NTM: variants seen among roughly 807,000 people sequenced by gnomAD.
NTM encodes IgLON family member 2.
Under a neutral mutation model 42.1 loss-of-function variants are expected in NTM, and 13 were observed. The observed-to-expected ratio is 0.31, with a 90% CI of 0.20 to 0.49. The LOEUF is 0.49. Ranked by LOEUF, NTM falls within the 20% of genes least tolerant of loss-of-function variation. The pLI is 0.99. For missense variants in NTM, 373 were observed against 452.8 expected (o/e 0.82, Z 1.60); for synonymous variants, 187 against 179.2 (o/e 1.04, Z -0.35).
intron 1 of NTM, among the ~76,000 whole-genome samples, chr11:131,375,124 A>T (rs1346183244): frequency 6.6e-6 from 1 of 152,152 alleles, no homozygotes; most frequent in Non-Finnish European, 1.5e-5. Flanking sequence ...ACATAGCTCC[A>T]TGGGGGACAT....
chr11:131,419,480 G>T (rs914836528), intron 1 of NTM, among the ~76,000 whole-genome samples: 8 of 152,232 alleles, frequency 5.3e-5, no homozygotes, highest in Non-Finnish European at 8.8e-5. Context: ...GGATAAGAAG[G>T]GACCAGGGAT....
chr11:132,026,141 G>A (rs1040245975), intron 2 of NTM, among the ~76,000 whole-genome samples: 1 of 152,080 alleles, frequency 6.6e-6, no homozygotes, highest in African/African-American at 2.4e-5. Flanking sequence ...TGATGAATGC[G>A]GTGCATTTTG....
intron 1 of NTM, among the ~76,000 whole-genome samples, chr11:131,732,504 CTT>C (rs1243771662): frequency 6.6e-6 from 1 of 152,166 alleles, no homozygotes; most frequent in African/African-American, 2.4e-5. Flanking sequence ...GGACAACAAA[CTT>C]TCTCACTGTG....
At chr11:131,752,539 G>A (rs1199620952) in intron 1 of NTM, among the ~76,000 whole-genome samples, 1 of 152,140 alleles carries the variant, frequency 6.6e-6, no homozygotes, top group Middle Eastern at 3.2e-3. Flanking sequence ...CCATTACTGG[G>A]TATATACCCA....
intron 1 of NTM, among the ~76,000 whole-genome samples, chr11:131,612,986 A>G (rs568014197): frequency 3.3e-5 from 5 of 152,224 alleles, no homozygotes; most frequent in Non-Finnish European, 5.9e-5. Flanking sequence ...AGCTGCTACC[A>G]TTTGAGGCAG....
chr11:131,377,004 G>A lies in NTM; in HGVS notation c.82+6116G>A, dbSNP rs189934591. 3.8e-3 allele frequency among the ~76,000 whole-genome samples: 585 copies of A among 152,274 alleles called. 4 individuals carry two copies. Among genetic ancestry groups the A allele is most frequent in the African/African-American group, 0.013 (560 of 41,562 alleles). ...GGGTCTCTCAGATTTGGTTTGGCTT[G>A]GCATCCTTTGTCATAAACGGAAAGC... On this transcript the variant is annotated intron_variant, in intron 1 of 8. Transcript: ENST00000683400.
chr11:131,473,635 A>G (rs575116885), intron 1 of NTM, among the ~76,000 whole-genome samples: 1 of 152,186 alleles, frequency 6.6e-6, no homozygotes, highest in East Asian at 1.9e-4. Context: ...TAACTGAGCT[A>G]GGAGAGGGAA....
At chr11:131,607,856 C>T (rs142880427) in intron 1 of NTM, among the ~76,000 whole-genome samples, 19 of 151,188 alleles carry the variant, frequency 1.3e-4, no homozygotes, top group African/African-American at 3.4e-4. Context: ...CTTGTACGCA[C>T]GGTTTGATCG....
chr11:132,242,119 A>C (rs1051501105), intron 4 of NTM, among the ~76,000 whole-genome samples: 11 of 152,206 alleles, frequency 7.2e-5, no homozygotes, highest in African/African-American at 1.7e-4. Flanking sequence ...AGCTAATCGG[A>C]AGAATTCAAG....
chr11:132,065,672 A>C (rs1196341218), intron 2 of NTM, among the ~76,000 whole-genome samples: 1 of 152,186 alleles, frequency 6.6e-6, no homozygotes, highest in Non-Finnish European at 1.5e-5. Flanking sequence ...GTAGTGGAAA[A>C]ATGAAAGATG....
intron 1 of NTM, among the ~76,000 whole-genome samples, chr11:131,460,895 G>A (rs1189436509): frequency 6.6e-6 from 1 of 152,190 alleles, no homozygotes; most frequent in Non-Finnish European, 1.5e-5. Context: ...TCAGCCCTTG[G>A]CTGAGCAACA....
At chr11:132,038,614 G>A (rs543229137) in intron 2 of NTM, among the ~76,000 whole-genome samples, 8 of 152,274 alleles carry the variant, frequency 5.3e-5, no homozygotes, top group African/African-American at 1.2e-4. Flanking sequence ...CATTGGATCC[G>A]TGTTCAGTCA....
intron 1 of NTM, among the ~76,000 whole-genome samples, chr11:131,703,439 G>A (rs1479040190): frequency 2.6e-5 from 4 of 152,124 alleles, no homozygotes; most frequent in Non-Finnish European, 4.4e-5. Context: ...GTCTGTGTAC[G>A]CCCAAAGCAA....
At chr11:132,084,222 C>T (rs1461823663) in intron 2 of NTM, among the ~76,000 whole-genome samples, 1 of 152,010 alleles carries the variant, frequency 6.6e-6, no homozygotes, top group Non-Finnish European at 1.5e-5. Context: ...CAACAATTGT[C>T]TATGAATAAG....
At chr11:131,746,107 G>C (rs10894433) in intron 1 of NTM, among the ~76,000 whole-genome samples, 57,960 of 151,784 alleles carry the variant, frequency 0.38, 13,993 homozygotes, top group African/African-American at 0.68. Flanking sequence ...TACCCTCTTT[G>C]TGGGAGTCGT....
intron 1 of NTM, chr11:131,660,380 G>C (rs547900208): frequency 1.4e-4 from 60 of 431,456 alleles, no homozygotes; most frequent in African/African-American, 1.1e-3. Context: ...GGAGGGCGGA[G>C]GGGGTGAGGG....
At chr11:132,201,284 T>A (rs1022237755) in intron 3 of NTM, among the ~76,000 whole-genome samples, 7 of 152,170 alleles carry the variant, frequency 4.6e-5, no homozygotes, top group South Asian at 4.1e-4. Context: ...GTGGAAAAAG[T>A]CTGTCTAGGG....
chr11:131,881,401 G>T (rs1254840025), intron 1 of NTM, among the ~76,000 whole-genome samples: 1 of 151,778 alleles, frequency 6.6e-6, no homozygotes, highest in African/African-American at 2.4e-5. Flanking sequence ...AATGATCGGG[G>T]TCATTGACTT....
chr11:132,009,723 C>T (rs534477545), intron 2 of NTM, among the ~76,000 whole-genome samples: 1 of 152,220 alleles, frequency 6.6e-6, no homozygotes, highest in Non-Finnish European at 1.5e-5. Context: ...ACCAAATTGC[C>T]TCCCTGTTGA....
Sources: allele counts gnomAD v4.1 joint callset (sites outside exome capture counted in the v4.1 genomes callset), GRCh38; gene constraint gnomAD v4.1.1; transcripts MANE v1.5; gene names NCBI Gene and HGNC (gene_info 2026-07-23, HGNC 2026-07-21).